The following OPCML variants were observed in gnomAD, a reference collection of about 807,000 sequenced individuals.
OPCML encodes the protein opioid-binding protein/cell adhesion molecule.
A neutral mutation model predicts 37.8 loss-of-function variants in OPCML; 13 were observed. That is an observed-to-expected ratio of 0.34 (90% CI 0.22 to 0.55). OPCML has a LOEUF of 0.55. OPCML is among the 20% of genes least tolerant of loss of function. The probability of loss-of-function intolerance (pLI) is 0.91; values close to 1 mark genes in which losing one functional copy is unlikely to be tolerated. For missense variants in OPCML, 341 were observed against 435.6 expected (o/e 0.78, Z 1.93); for synonymous variants, 176 against 168.8 (o/e 1.04, Z -0.33).
intron 2 of OPCML, among the ~76,000 whole-genome samples, chr11:132,804,644 A>T (rs1207888926): frequency 6.6e-6 from 1 of 152,226 alleles, no homozygotes; most frequent in African/African-American, 2.4e-5. Context: ...TGGTGTAATG[A>T]CTAGAAATAG....
chr11:133,327,651 A>G (rs1019694967), intron 1 of OPCML, among the ~76,000 whole-genome samples: 9 of 152,130 alleles, frequency 5.9e-5, no homozygotes, highest in Admixed American at 6.5e-5. Flanking sequence ...ACCAACATAG[A>G]TACATGGAAT....
chr11:132,773,116 G>C (rs1166932918), intron 2 of OPCML: 1 of 152,250 alleles, frequency 6.6e-6, no homozygotes, highest in African/African-American at 2.4e-5. Flanking sequence ...GGCACCCTGA[G>C]AGGTGACATC....
intron 2 of OPCML, among the ~76,000 whole-genome samples, chr11:132,701,376 C>T (rs1269426589): frequency 1.3e-5 from 2 of 152,180 alleles, no homozygotes; most frequent in East Asian, 3.8e-4. Context: ...AGTGTAGAGG[C>T]ACAGCCAAAC....
At chr11:132,782,455 C>T (rs961260216) in intron 2 of OPCML, among the ~76,000 whole-genome samples, 2 of 152,222 alleles carry the variant, frequency 1.3e-5, no homozygotes, top group African/African-American at 4.8e-5. Context: ...AGCGAATGCT[C>T]AGCAATGAGA....
chr11:132,960,344 A>T (rs1196397875), intron 1 of OPCML, among the ~76,000 whole-genome samples: 2 of 152,192 alleles, frequency 1.3e-5, no homozygotes, highest in Non-Finnish European at 2.9e-5. Flanking sequence ...TGTGCTTAGT[A>T]CAGAGAGAAT....
chr11:133,185,935 G>A (rs940156851), intron 1 of OPCML, among the ~76,000 whole-genome samples: 1 of 152,208 alleles, frequency 6.6e-6, no homozygotes, highest in East Asian at 1.9e-4. Flanking sequence ...GAAGATACAT[G>A]TGAGTACAAT....
intron 3 of OPCML, among the ~76,000 whole-genome samples, chr11:132,609,984 TCACA>T (rs138543073): frequency 6.6e-6 from 1 of 151,882 alleles, no homozygotes; most frequent in Admixed American, 6.6e-5. Context: ...CTAATAACCA[TCACA>T]CACACACACA....
rs778181150 is a variant in OPCML, at chr11:132,436,273, A to G, written c.765-36T>C. The stretch of plus-strand genomic sequence containing the variant: ...GAAGACATTGCTATCAATTCATTCT[A>G]CAAAGAGGCCCTCCTCCTCACCAAA... On this transcript the variant is annotated intron_variant, in intron 6 of 7. Transcript: ENST00000524381. 4.3e-6 allele frequency: 7 copies of G among 1,613,830 alleles called. No homozygotes were observed. The South Asian group carries it at 4.4e-5, about 10-fold the overall frequency.
intron 2 of OPCML, among the ~76,000 whole-genome samples, chr11:132,719,589 C>A (rs1228613994): frequency 6.6e-6 from 1 of 152,162 alleles, no homozygotes; most frequent in Non-Finnish European, 1.5e-5. Flanking sequence ...AGAAGGGGTG[C>A]ATTTTCAGCC....
chr11:132,479,430 C>T (rs1375663103), intron 4 of OPCML, among the ~76,000 whole-genome samples: 4 of 152,238 alleles, frequency 2.6e-5, no homozygotes, highest in Admixed American at 6.5e-5. Flanking sequence ...AACTGCAAGG[C>T]AGCAGCGAGG....
intron 1 of OPCML, among the ~76,000 whole-genome samples, chr11:133,453,081 T>G (rs1946610852): frequency 6.6e-6 from 1 of 152,214 alleles, no homozygotes; most frequent in Non-Finnish European, 1.5e-5. Context: ...ATGCTCTAGT[T>G]GAAAGTAAAC....
chr11:133,392,524 C>A (rs1945193935), intron 1 of OPCML, among the ~76,000 whole-genome samples: 1 of 152,180 alleles, frequency 6.6e-6, no homozygotes, highest in Non-Finnish European at 1.5e-5. Context: ...GGTCCTCTGG[C>A]ACATGGGGTC....
At chr11:132,844,143 T>G (rs1036445659) in intron 2 of OPCML, among the ~76,000 whole-genome samples, 1 of 152,228 alleles carries the variant, frequency 6.6e-6, no homozygotes, top group East Asian at 1.9e-4. Context: ...CCTCCTTGCC[T>G]TCTGCCATGA....
At chr11:132,745,580 A>G (rs4937718) in intron 2 of OPCML, among the ~76,000 whole-genome samples, 1,569 of 87,442 alleles carry the variant, frequency 0.018, 8 homozygotes, top group African/African-American at 0.044. Flanking sequence ...AAAAAAAAAA[A>G]AAAGAAAGAA....
At chr11:132,556,973 A>G (rs1388598793) in intron 3 of OPCML, among the ~76,000 whole-genome samples, 1 of 152,196 alleles carries the variant, frequency 6.6e-6, no homozygotes, top group Non-Finnish European at 1.5e-5. Context: ...CTCACAAAAT[A>G]TGTGTGTACT....
chr11:133,475,038 C>A (rs546404558), intron 1 of OPCML, among the ~76,000 whole-genome samples: 4 of 152,246 alleles, frequency 2.6e-5, no homozygotes, highest in Non-Finnish European at 4.4e-5. Flanking sequence ...GACATGCCAC[C>A]TTTACCCCCT....
chr11:133,020,026 C>A (rs1173788360), intron 1 of OPCML, among the ~76,000 whole-genome samples: 1 of 152,220 alleles, frequency 6.6e-6, no homozygotes, highest in Non-Finnish European at 1.5e-5. Context: ...TTAAGGAGAT[C>A]AATTCCTGTT....
chr11:132,541,099 A>G (rs1292755356), intron 3 of OPCML, among the ~76,000 whole-genome samples: 1 of 152,196 alleles, frequency 6.6e-6, no homozygotes, highest in Admixed American at 6.5e-5. Context: ...TTTGCCCATG[A>G]GGAAGTACTT....
intron 3 of OPCML, among the ~76,000 whole-genome samples, chr11:132,542,371 A>C (rs1453511117): frequency 2.0e-5 from 3 of 152,076 alleles, no homozygotes; most frequent in Non-Finnish European, 2.9e-5. Context: ...CTACTTTTGC[A>C]TGTCCATCTT....
Sources: allele counts gnomAD v4.1 joint callset (sites outside exome capture counted in the v4.1 genomes callset), GRCh38; gene constraint gnomAD v4.1.1; transcripts MANE v1.5; gene names NCBI Gene and HGNC (gene_info 2026-07-23, HGNC 2026-07-21).